Variants in NEBL observed in about 807,000 individuals in gnomAD.
The protein encoded by NEBL is LIM and SH3 protein 2.
Under a neutral mutation model 140.2 loss-of-function variants are expected in NEBL, and 122 were observed. That is an observed-to-expected ratio of 0.87 (90% CI 0.75 to 1.01). The LOEUF (loss-of-function observed/expected upper bound fraction) is 1.01. NEBL is among the 50% of genes least tolerant of loss of function. The pLI is 0.00. For synonymous variants in NEBL, 436 were observed against 398.9 expected, an observed-to-expected ratio of 1.09 and a Z score of -1.11; for missense variants, 1,365 against 1,231.3, an observed-to-expected ratio of 1.11 and a Z score of -1.62.
intron 3 of NEBL, among the ~76,000 whole-genome samples, chr10:21,187,532 A>G (rs1841496043): frequency 6.6e-6 from 1 of 151,018 alleles, no homozygotes; most frequent in South Asian, 2.1e-4. Context: ...TATTATTGTT[A>G]TTACTAAGGT....
chr10:20,874,543 A>C (rs1340447107), intron 5 of NEBL, among the ~76,000 whole-genome samples: 3 of 152,208 alleles, frequency 2.0e-5, no homozygotes, highest in Non-Finnish European at 4.4e-5. Flanking sequence ...AGTGTCATAC[A>C]CAGCCCAGAG....
At chr10:20,854,236 G>A (rs916581299) in intron 9 of NEBL, among the ~76,000 whole-genome samples, 3 of 152,118 alleles carry the variant, frequency 2.0e-5, no homozygotes, top group African/African-American at 7.2e-5. Context: ...CAATAGAGTG[G>A]AGGGATCCAA....
chr10:21,237,123 T>TA (rs1842364209), intron 3 of NEBL, among the ~76,000 whole-genome samples: 1 of 152,218 alleles, frequency 6.6e-6, no homozygotes, highest in Admixed American at 6.5e-5. Context: ...ACCTCCTCCA[T>TA]AAAAAATCCA....
chr10:21,038,249 T>C (rs1474684730), intron 2 of NEBL, among the ~76,000 whole-genome samples: 2 of 152,196 alleles, frequency 1.3e-5, no homozygotes, highest in Non-Finnish European at 2.9e-5. Context: ...AACATGCAGG[T>C]TTGTTACATA....
intron 12 of NEBL, among the ~76,000 whole-genome samples, chr10:20,844,906 A>C (rs1220043283): frequency 2.0e-5 from 3 of 152,098 alleles, no homozygotes; most frequent in Non-Finnish European, 4.4e-5. Context: ...TAAATTTGAA[A>C]GAATCAAGCT....
At chr10:21,218,872 G>A (rs564839221) in intron 3 of NEBL, among the ~76,000 whole-genome samples, 9 of 152,292 alleles carry the variant, frequency 5.9e-5, no homozygotes, top group South Asian at 4.1e-4. Context: ...GGTTATTTTC[G>A]TAAAATCTGT....
At chr10:20,954,666 T>C (rs1835693622) in intron 4 of NEBL, among the ~76,000 whole-genome samples, 1 of 152,106 alleles carries the variant, frequency 6.6e-6, no homozygotes, top group South Asian at 2.1e-4. Flanking sequence ...TGCCTCATAG[T>C]TCGAATTCCA....
chr10:21,274,753 T>G (rs1842899500), intron 1 of NEBL, among the ~76,000 whole-genome samples: 1 of 152,112 alleles, frequency 6.6e-6, no homozygotes, highest in African/African-American at 2.4e-5. Flanking sequence ...CAATACAGTA[T>G]GCTAGAGAAA....
At chr10:21,242,033 G>C (rs11012612) in intron 3 of NEBL, among the ~76,000 whole-genome samples, 44,479 of 151,730 alleles carry the variant, frequency 0.29, 7,760 homozygotes, top group African/African-American at 0.49. Flanking sequence ...GAAACCCCAT[G>C]TGTACACAAA....
rs71392113 is a variant in NEBL at position 21,082,761 on chromosome 10, A to ATT, written c.165-62562_165-62561dup. 9.8e-3 allele frequency among the ~76,000 whole-genome samples: 1,078 copies of ATT among 109,502 alleles called. 54 individuals carry two copies. The highest frequency in any genetic ancestry group is 0.058 in the East Asian group (221 of 3,830). 71.8% of individuals were successfully genotyped at this position (109,502 alleles called of 152,430 possible). A position where few individuals can be genotyped will look rare whatever the true frequency, so the allele number is the denominator to read the frequency against. On this transcript the variant is annotated intron_variant, in intron 2 of 6. Coordinates refer to the NEBL transcript ENST00000417816. ...ATTATGGGATATGCAGGAGGGATGC[A>ATT]TTTTTTTTTTTTTTTTTTTGAGACA...
rs113903402 is a variant in NEBL, at chr10:21,136,554, C to G, written c.164+35829G>C. On this transcript the variant is annotated intron_variant, in intron 2 of 6. Transcript: ENST00000417816. Reference sequence around the variant, plus strand: ...ACCCACCAACAAGAATCCTCAGAGTCAGCAAAAGCAGGAGAGAGGTGAACT... The same window carrying G: ...ACCCACCAACAAGAATCCTCAGAGTGAGCAAAAGCAGGAGAGAGGTGAACT... Among the ~76,000 whole-genome samples the G allele has an allele frequency of 4.5e-3, 690 of 152,268 alleles. 5 individuals are homozygous for G. The highest frequency in any genetic ancestry group is 0.015 in the African/African-American group (629 of 41,562).
chr10:21,223,874 A>C (rs747355615), intron 3 of NEBL, among the ~76,000 whole-genome samples: 1 of 152,084 alleles, frequency 6.6e-6, no homozygotes, highest in Non-Finnish European at 1.5e-5. Flanking sequence ...ACTCATTTTT[A>C]ATTGAATTAT....
At chr10:21,230,555 A>C (rs917954166) in intron 3 of NEBL, among the ~76,000 whole-genome samples, 1 of 151,054 alleles carries the variant, frequency 6.6e-6, no homozygotes, top group Non-Finnish European at 1.5e-5. Context: ...GAGAAAATGG[A>C]GGAACTCTAC....
intron 26 of NEBL, among the ~76,000 whole-genome samples, chr10:20,805,114 T>A (rs77261719): frequency 0.02 from 3,101 of 152,250 alleles, 105 homozygotes; most frequent in African/African-American, 0.069. Context: ...ACATGGGGTA[T>A]GAGTGAAAGA....
At chr10:20,847,456 A>C (rs1256127163) in intron 11 of NEBL, among the ~76,000 whole-genome samples, 3 of 152,244 alleles carry the variant, frequency 2.0e-5, no homozygotes, top group Non-Finnish European at 2.9e-5. Flanking sequence ...CTACTACAGA[A>C]ACATAGTATT....
intron 3 of NEBL, among the ~76,000 whole-genome samples, chr10:21,239,453 A>T (rs1196103143): frequency 2.0e-5 from 3 of 151,892 alleles, no homozygotes; most frequent in Admixed American, 2.0e-4. Flanking sequence ...GCACCCCCAC[A>T]TCCCATTTTC....
At chr10:21,100,485 G>C (rs1262569311) in intron 2 of NEBL, among the ~76,000 whole-genome samples, 4 of 152,204 alleles carry the variant, frequency 2.6e-5, no homozygotes, top group African/African-American at 9.7e-5. Flanking sequence ...GATAAAGAGT[G>C]CAAAGCATGG....
chr10:21,029,203 G>C, intron 2 of NEBL: 2 of 1,430,818 alleles, frequency 1.4e-6, no homozygotes, highest in Non-Finnish European at 2.0e-6. Context: ...GCCTCCAATT[G>C]ACCATTCCAT....
intron 9 of NEBL, among the ~76,000 whole-genome samples, chr10:20,854,561 CTT>C (rs71390794): frequency 1.2e-4 from 13 of 107,258 alleles, no homozygotes; most frequent in East Asian, 4.9e-4. Context: ...TCATATAGTA[CTT>C]TTTTTTTTTT....
Sources: allele counts gnomAD v4.1 joint callset (sites outside exome capture counted in the v4.1 genomes callset), GRCh38; gene constraint gnomAD v4.1.1; transcripts MANE v1.5; gene names NCBI Gene and HGNC (gene_info 2026-07-23, HGNC 2026-07-21).